The following MAP4K3 variants were observed in gnomAD, a reference collection of about 807,000 sequenced individuals.
MAP4K3 encodes the protein MAPK/ERK kinase kinase kinase 3.
MAP4K3 carries 94 observed loss-of-function variants against 143.5 expected under a neutral mutation model. The ratio of observed to expected loss-of-function variants is 0.65; its 90% CI spans 0.55 to 0.78. MAP4K3 has a LOEUF of 0.78. Among genes scored for constraint, MAP4K3 ranks in the 30% least tolerant of loss-of-function variants. The pLI, the probability that MAP4K3 is intolerant of heterozygous loss-of-function variation, is 0.00. For missense variants in MAP4K3, 1,077 were observed against 1,068.1 expected (o/e 1.01, Z -0.12); for synonymous variants, 416 against 347.2 (o/e 1.20, Z -2.20).
chr2:39,354,592 C>T (rs531291756), intron 3 of MAP4K3, among the ~76,000 whole-genome samples: 70 of 150,802 alleles, frequency 4.6e-4, no homozygotes, highest in Non-Finnish European at 8.1e-4. Flanking sequence ...CACTCCAGTC[C>T]GGGAGGTTGC....
At chr2:39,345,565 G>A (rs145585429) in intron 3 of MAP4K3, among the ~76,000 whole-genome samples, 83 of 152,178 alleles carry the variant, frequency 5.5e-4, no homozygotes, top group Admixed American at 3.7e-3. Context: ...CTATCAGAGC[G>A]CAAAGGTCAA....
chr2:39,412,394 A>G (rs1377316066), intron 1 of MAP4K3, among the ~76,000 whole-genome samples: 1 of 152,224 alleles, frequency 6.6e-6, no homozygotes, highest in Non-Finnish European at 1.5e-5. Context: ...AGCTGGAGAT[A>G]TAACAAGGAA....
intron 23 of MAP4K3, 78 bp downstream of exon 23, chr2:39,280,194 T>A: frequency 6.0e-6 from 5 of 833,794 alleles, no homozygotes; most frequent in East Asian, 2.8e-5. Flanking sequence ...ACTCAGAAAA[T>A]AAACAAAATC....
intron 24 of MAP4K3, 140 bp from the exon 25 acceptor site, chr2:39,272,682 C>G: frequency 1.6e-6 from 1 of 642,838 alleles, no homozygotes; most frequent in Non-Finnish European, 2.7e-6. Context: ...TTAACTTTAT[C>G]AAGGATTCAA....
chr2:39,341,654 T>TAAA (rs1488362937), intron 4 of MAP4K3, among the ~76,000 whole-genome samples: 1 of 141,576 alleles, frequency 7.1e-6, no homozygotes, highest in African/African-American at 2.6e-5. Context: ...AGACTCCGTT[T>TAAA]AAAAAAAAAA....
chr2:39,380,602 A>C (rs1666334090), intron 1 of MAP4K3, among the ~76,000 whole-genome samples: 1 of 152,196 alleles, frequency 6.6e-6, no homozygotes, highest in Non-Finnish European at 1.5e-5. Context: ...GGCAGAAAAC[A>C]GGATAAAATA....
Position 39,303,481 on chromosome 2 carries a change from C to A in MAP4K3, c.1120-3680G>T, listed in dbSNP as rs1056382321. Among the ~76,000 whole-genome samples, 4 of 151,984 alleles carry A rather than the reference C, an allele frequency of 2.6e-5. No homozygotes were observed. The South Asian group carries it at 8.3e-4, about 32-fold the overall frequency. On this transcript the variant is annotated intron_variant, in intron 15 of 33. Coordinates refer to ENST00000263881, the MANE Select transcript of MAP4K3 (RefSeq NM_003618.4). Reference sequence around the variant, plus strand: ...AGGCATACTATATACTTCTTCAGAGCAATGATTATGTTACTATTTATTTAT... The same window carrying A: ...AGGCATACTATATACTTCTTCAGAGAAATGATTATGTTACTATTTATTTAT...
chr2:39,306,706 C>T (rs936353707), intron 15 of MAP4K3, among the ~76,000 whole-genome samples: 1 of 152,206 alleles, frequency 6.6e-6, no homozygotes, highest in African/African-American at 2.4e-5. Context: ...AACCTGTGGT[C>T]TGTGCTGGCA....
chr2:39,287,439 A>G (rs1201424259), intron 20 of MAP4K3, among the ~76,000 whole-genome samples: 1 of 152,122 alleles, frequency 6.6e-6, no homozygotes, highest in Admixed American at 6.5e-5. Flanking sequence ...CTGGGATTAC[A>G]GGCATGCGCT....
At chr2:39,432,214 C>G (rs959913763) in intron 1 of MAP4K3, among the ~76,000 whole-genome samples, 2 of 152,194 alleles carry the variant, frequency 1.3e-5, no homozygotes, top group African/African-American at 4.8e-5. Flanking sequence ...ACTTACTATT[C>G]ATTCTTAATA....
At chr2:39,386,929 C>A (rs1003035939) in intron 1 of MAP4K3, among the ~76,000 whole-genome samples, 2 of 151,466 alleles carry the variant, frequency 1.3e-5, no homozygotes, top group Admixed American at 6.6e-5. Flanking sequence ...GATTCTCCTG[C>A]CTCAGCCTCT....
chr2:39,291,099 T>C (rs1422841936), intron 18 of MAP4K3, among the ~76,000 whole-genome samples: 1 of 152,112 alleles, frequency 6.6e-6, no homozygotes, highest in Non-Finnish European at 1.5e-5. Flanking sequence ...CAATAATGTG[T>C]TATTTAGTTG....
At chr2:39,283,288 G>C (rs1344498341) in intron 21 of MAP4K3, among the ~76,000 whole-genome samples, 1 of 152,044 alleles carries the variant, frequency 6.6e-6, no homozygotes, top group East Asian at 1.9e-4. Flanking sequence ...GAGAGCTCCT[G>C]GTTCTTTCTA....
chr2:39,338,274 T>C (rs192453242), intron 4 of MAP4K3, among the ~76,000 whole-genome samples: 1 of 152,370 alleles, frequency 6.6e-6, no homozygotes, highest in East Asian at 1.9e-4. Flanking sequence ...TAGGTTTAGC[T>C]GGCTTTTATT....
intron 1 of MAP4K3, among the ~76,000 whole-genome samples, chr2:39,397,130 A>C (rs1283652749): frequency 6.6e-6 from 1 of 152,198 alleles, no homozygotes; most frequent in East Asian, 1.9e-4. Flanking sequence ...GAGGTTCATC[A>C]TGCTACATAT....
chr2:39,296,370 T>C (rs1028025719), intron 16 of MAP4K3, among the ~76,000 whole-genome samples: 2 of 152,216 alleles, frequency 1.3e-5, no homozygotes, highest in African/African-American at 4.8e-5. Context: ...AGATTGAATG[T>C]TACACAATAA....
rs147834034 is a variant in MAP4K3 at position 39,393,490 on chromosome 2, A to T, written c.97-15367T>A. On this transcript the variant is annotated intron_variant, in intron 1 of 33. Coordinates refer to ENST00000263881, the MANE Select transcript of MAP4K3 (RefSeq NM_003618.4). Reference sequence around the variant, plus strand: ...AGTCATTACAATCCATCCATTTTTTAAAAAAAGCTATGTATAGCAAACTTC... The same window carrying T: ...AGTCATTACAATCCATCCATTTTTTTAAAAAAGCTATGTATAGCAAACTTC... Among the ~76,000 whole-genome samples the T allele has an allele frequency of 1.9e-3, 283 of 152,288 alleles. 1 individual carries two copies. The highest frequency in any genetic ancestry group is 6.8e-3 in the Middle Eastern group (2 of 294).
intron 27 of MAP4K3, among the ~76,000 whole-genome samples, chr2:39,266,906 G>GT (rs1033513968): frequency 2.9e-5 from 2 of 69,720 alleles, no homozygotes; most frequent in African/African-American, 5.8e-5. Flanking sequence ...ATAAAATGTG[G>GT]TAAAAAAAAA....
Position 39,437,229 on chromosome 2 carries a change from A to G in MAP4K3, c.-242T>C. ...CCGCGCCGAACCTGGTCACACCCAC[A>G]AGGAGAGGAGAACCCTCGCAGCCCC... On this transcript the variant is annotated 5_prime_UTR_variant, in exon 1 of 34. Transcript: ENST00000263881. 1 of 303,100 alleles carries G rather than the reference A, an allele frequency of 3.3e-6. No homozygotes were observed. 18.8% of individuals were successfully genotyped at this position (303,100 alleles called of 1,614,324 possible).
Sources: gnomAD v4.1 joint callset for allele counts (sites outside exome capture counted in the v4.1 genomes callset) on GRCh38, gnomAD v4.1.1 for gene constraint, MANE v1.5 for transcripts, NCBI Gene and HGNC (gene_info 2026-07-23, HGNC 2026-07-21) for gene names.